ATPSCKMT: variants seen among roughly 807,000 people sequenced by gnomAD.
The protein encoded by ATPSCKMT is ATP synthase c subunit lysine N-methyltransferase, also known as ATP synthase subunit C lysine N-methyltransferase.
ATPSCKMT carries 24 observed loss-of-function variants against 24.3 expected under a neutral mutation model. That is an observed-to-expected ratio of 0.99 (90% CI 0.71 to 1.39). The LOEUF is 1.39. Ranked by LOEUF, ATPSCKMT falls within the 40% of genes most tolerant of loss-of-function variation. ATPSCKMT has a pLI of 0.00. For synonymous variants in ATPSCKMT, 95 were observed against 110.5 expected, an observed-to-expected ratio of 0.86 and a Z score of 0.88; for missense variants, 311 against 298.4, an observed-to-expected ratio of 1.04 and a Z score of -0.31.
intron 1 of ATPSCKMT, among the ~76,000 whole-genome samples, chr5:10,239,769 A>G (rs1282741088): frequency 1.3e-5 from 2 of 152,222 alleles, no homozygotes; most frequent in Non-Finnish European, 2.9e-5. Flanking sequence ...ATTATTACCC[A>G]ATTTCAAGTA....
At chr5:10,233,451 C>T (rs1177469454) in intron 4 of ATPSCKMT, among the ~76,000 whole-genome samples, 1 of 152,220 alleles carries the variant, frequency 6.6e-6, no homozygotes, top group African/African-American at 2.4e-5. Flanking sequence ...CCTTCAGCTG[C>T]TCCCCTTTCT....
At chr5:10,234,664 C>T (rs889443513) in intron 4 of ATPSCKMT, among the ~76,000 whole-genome samples, 33 of 152,342 alleles carry the variant, frequency 2.2e-4, no homozygotes, top group Admixed American at 2.1e-3. Context: ...CCATGACCAT[C>T]CTTCCAAAGG....
At position 10,249,861 on chromosome 5, in the gene ATPSCKMT, C is replaced by G. The variant is rs768653145; in HGVS notation, c.13G>C (p.Gly5Arg). 34 of 1,559,218 alleles carry G rather than the reference C, an allele frequency of 2.2e-5. No individual in the cohort carries two copies. Among genetic ancestry groups the G allele is most frequent in the Non-Finnish European group, 2.7e-5 (31 of 1,158,386 alleles). MEGG[G>R]GIPLETLKEE... ...CGCCAAGCCGCTCCAGCCTCACCTC[C>G]TCCTCCCTCCATCGCGAGATTTCCA... Residue 5 changes from glycine to arginine, a missense_variant, in exon 1 of 5, where the codon GGA (glycine) becomes CGA (arginine). Gly to Arg is a moderately radical substitution (Grantham distance 125, BLOSUM62 -2). Coordinates refer to ENST00000511437, the MANE Select transcript of ATPSCKMT (RefSeq NM_199133.4).
intron 4 of ATPSCKMT, among the ~76,000 whole-genome samples, chr5:10,234,893 G>A (rs934775407): frequency 4.6e-5 from 7 of 152,224 alleles, no homozygotes; most frequent in Admixed American, 2.0e-4. Context: ...TCAGCGAAGT[G>A]GAAGTGAGCG....
In ATPSCKMT at chr5:10,239,100, G is replaced by C; in HGVS notation, c.273C>G (p.Ser91=). 1 of 1,614,098 alleles carries C rather than the reference G, an allele frequency of 6.2e-7. No individual in the cohort carries two copies. Among genetic ancestry groups the C allele is most frequent in the East Asian group, 2.2e-5 (1 of 44,884 alleles). ...CGTCCCCACTACCGATGTCCACAAG[G>C]GATCCTCTTCGGCATCGCAACATTT... ...VVKMLRCRRG[S]LVDIGSGDGR... is the part of the protein sequence containing the mutation. Residue 91 remains serine (S), a synonymous_variant, in exon 2 of 5, where the codon TCC becomes TCG. Transcript: ENST00000511437.
intron 1 of ATPSCKMT, among the ~76,000 whole-genome samples, chr5:10,247,959 T>C (rs1745008518): frequency 1.3e-5 from 2 of 152,180 alleles, no homozygotes; most frequent in African/African-American, 2.4e-5. Context: ...CAGATTTGGA[T>C]CAGCTGAAGC....
chr5:10,237,345 T>C (rs1744421510), intron 2 of ATPSCKMT, among the ~76,000 whole-genome samples: 2 of 152,366 alleles, frequency 1.3e-5, no homozygotes, highest in South Asian at 4.1e-4. Flanking sequence ...TTCAAATACG[T>C]AAAGCATTCA....
At chr5:10,244,033 G>C (rs1457275337) in intron 1 of ATPSCKMT, among the ~76,000 whole-genome samples, 1 of 152,126 alleles carries the variant, frequency 6.6e-6, no homozygotes, top group East Asian at 1.9e-4. Flanking sequence ...TGAACACCTG[G>C]AGCCCATTGT....
intron 4 of ATPSCKMT, among the ~76,000 whole-genome samples, chr5:10,233,682 C>T (rs1017127259): frequency 2.6e-5 from 4 of 152,134 alleles, no homozygotes; most frequent in African/African-American, 7.2e-5. Flanking sequence ...GCCACTGCTG[C>T]CCCCCGCTGG....
chr5:10,247,380 G>C (rs901100334), intron 1 of ATPSCKMT, among the ~76,000 whole-genome samples: 1 of 152,156 alleles, frequency 6.6e-6, no homozygotes, highest in Non-Finnish European at 1.5e-5. Context: ...TCACTCTGTC[G>C]TCCAGGCTGG....
chr5:10,240,233 CAAA>C (rs1216674079), intron 1 of ATPSCKMT, among the ~76,000 whole-genome samples: 1 of 123,608 alleles, frequency 8.1e-6, no homozygotes, highest in Non-Finnish European at 1.7e-5. Flanking sequence ...GACTCTGTCT[CAAA>C]AAAAAAAAAA....
intron 1 of ATPSCKMT, 193 bp downstream of exon 1, chr5:10,249,665 G>T: frequency 8.1e-6 from 7 of 868,416 alleles, no homozygotes; most frequent in African/African-American, 1.8e-5. Flanking sequence ...CGCCGACAAG[G>T]ATCGCCAGAA....
intron 4 of ATPSCKMT, 73 bp from the exon 5 acceptor site, chr5:10,227,720 A>G: frequency 6.9e-7 from 1 of 1,441,854 alleles, no homozygotes; most frequent in Admixed American, 1.9e-5. Context: ...TCCTGTTTTT[A>G]AGAGTCCCTG....
chr5:10,239,020 A>G, intron 2 of ATPSCKMT, 47 bp downstream of exon 2: 1 of 1,577,592 alleles, frequency 6.3e-7, no homozygotes, highest in Non-Finnish European at 8.6e-7. Flanking sequence ...TAAAGCAGAA[A>G]TTTTAAGTTC....
intron 2 of ATPSCKMT, 61 bp from the exon 3 acceptor site, chr5:10,236,676 C>T (rs544397008): frequency 6.3e-7 from 1 of 1,589,532 alleles, no homozygotes; most frequent in South Asian, 1.1e-5. Context: ...CATGGTCAAA[C>T]AATATGAATA....
intron 2 of ATPSCKMT, among the ~76,000 whole-genome samples, chr5:10,238,775 C>A (rs995983757): frequency 2.6e-5 from 4 of 152,124 alleles, no homozygotes; most frequent in African/African-American, 9.7e-5. Context: ...CTTCTCATGC[C>A]ACCTCTGTTG....
rs1743915916 is a variant in ATPSCKMT, at chr5:10,227,166, T to C, written c.*275A>G. On this transcript the variant is annotated 3_prime_UTR_variant, in exon 5 of 5. Coordinates refer to ENST00000511437, the MANE Select transcript of ATPSCKMT (RefSeq NM_199133.4). Reference sequence around the variant, plus strand: ...TGTGAAGAGCTATTGGCATCTTATTTTCCTACCCATAACCATGACCATCAC... The same window carrying C: ...TGTGAAGAGCTATTGGCATCTTATTCTCCTACCCATAACCATGACCATCAC... 2.3e-6 allele frequency: 1 copy of C among 435,764 alleles called. No homozygotes were observed. The highest frequency in any genetic ancestry group is 2.0e-5 in the African/African-American group (1 of 50,222). 27.0% of individuals were successfully genotyped at this position (435,764 alleles called of 1,614,324 possible). A position where few individuals can be genotyped will look rare whatever the true frequency, so the allele number is the denominator to read the frequency against.
intron 2 of ATPSCKMT, chr5:10,237,045 C>G (rs1402446585): frequency 2.2e-5 from 28 of 1,285,868 alleles, no homozygotes; most frequent in Non-Finnish European, 2.5e-5. Flanking sequence ...AATAACCTGT[C>G]AATGAAAAAT....
chr5:10,232,958 G>A (rs2126430290), intron 4 of ATPSCKMT, among the ~76,000 whole-genome samples: 1 of 152,366 alleles, frequency 6.6e-6, no homozygotes. Flanking sequence ...CAACTGGCTT[G>A]ACCAGATCCA....
Sources: gnomAD v4.1 joint callset for allele counts (sites outside exome capture counted in the v4.1 genomes callset) on GRCh38, gnomAD v4.1.1 for gene constraint, MANE v1.5 for transcripts, NCBI Gene and HGNC (gene_info 2026-07-23, HGNC 2026-07-21) for gene names.